Variants in RETREG1 observed in about 807,000 individuals in gnomAD.
RETREG1 encodes family with sequence similarity 134 member B.
Under a neutral mutation model 54.8 loss-of-function variants are expected in RETREG1, and 44 were observed. The ratio of observed to expected loss-of-function variants is 0.80; its 90% CI spans 0.63 to 1.03. The LOEUF is 1.03. RETREG1 is among the 50% of genes least tolerant of loss of function. The probability of loss-of-function intolerance (pLI) is 0.00; values close to 1 mark genes in which losing one functional copy is unlikely to be tolerated. For missense variants in RETREG1, 554 were observed against 605.1 expected, an observed-to-expected ratio of 0.92 and a Z score of 0.89; for synonymous variants, 217 against 238.5, an observed-to-expected ratio of 0.91 and a Z score of 0.83.
chr5:16,497,899 C>T (rs1739533534), intron 3 of RETREG1, among the ~76,000 whole-genome samples: 1 of 152,162 alleles, frequency 6.6e-6, no homozygotes, highest in African/African-American at 2.4e-5. Context: ...CAATTTTCCC[C>T]TCTCCTATGC....
chr5:16,594,496 G>A lies in RETREG1; in HGVS notation c.320+22156C>T, dbSNP rs942744458. Among the ~76,000 whole-genome samples the A allele has an allele frequency of 1.5e-3, 230 of 152,012 alleles. 1 individual carries two copies. The highest frequency in any genetic ancestry group is 5.3e-3 in the African/African-American group (221 of 41,442). On this transcript the variant is annotated intron_variant, in intron 1 of 8. Transcript: ENST00000306320. The surrounding 1 kb of genome is among the most constrained non-coding windows in gnomAD (Gnocchi z 4.4). ...TCCGTGCACTTTGAGAGGCTGAGGC[G>A]GGTGGATCACCTGAACTCAGGAGAT... is the stretch of plus-strand genomic sequence containing the variant.
intron 8 of RETREG1, among the ~76,000 whole-genome samples, chr5:16,476,264 G>C (rs1738533086): frequency 6.6e-6 from 1 of 152,104 alleles, no homozygotes. Context: ...ACACTGCACA[G>C]CCTCCCTCCC....
chr5:16,577,500 GA>G (rs1227507428), intron 1 of RETREG1, among the ~76,000 whole-genome samples: 1 of 152,040 alleles, frequency 6.6e-6, no homozygotes, highest in Non-Finnish European at 1.5e-5. Context: ...CAGTTATAAC[GA>G]GAAACTTCCC....
intron 3 of RETREG1, among the ~76,000 whole-genome samples, chr5:16,509,869 C>T (rs774274117): frequency 2.6e-5 from 4 of 152,036 alleles, no homozygotes; most frequent in African/African-American, 9.7e-5. Context: ...TGGGATGCTC[C>T]TGTGGTCCCA....
At chr5:16,601,978 C>T (rs1227830622) in intron 1 of RETREG1, among the ~76,000 whole-genome samples, 1 of 152,146 alleles carries the variant, frequency 6.6e-6, no homozygotes, top group African/African-American at 2.4e-5. Flanking sequence ...TTTCTAAGGG[C>T]AATTCTTCCC....
chr5:16,558,655 A>G (rs1741775460), intron 3 of RETREG1, among the ~76,000 whole-genome samples: 1 of 152,262 alleles, frequency 6.6e-6, no homozygotes, highest in African/African-American at 2.4e-5. Context: ...GTCCAGGTAC[A>G]AGATTATAAA....
chr5:16,569,207 G>A, intron 2 of RETREG1, among the ~76,000 whole-genome samples: 1 of 152,132 alleles, frequency 6.6e-6, no homozygotes, highest in East Asian at 1.9e-4. Context: ...TCTACTGAAG[G>A]AGGATGAAGC....
chr5:16,570,111 C>T (rs1046241713), intron 2 of RETREG1, among the ~76,000 whole-genome samples: 15 of 152,336 alleles, frequency 9.8e-5, no homozygotes, highest in African/African-American at 3.6e-4. Context: ...GGTTTGTGGT[C>T]ATTTATTACA....
At chr5:16,542,779 C>A (rs1428320373) in intron 3 of RETREG1, among the ~76,000 whole-genome samples, 1 of 152,198 alleles carries the variant, frequency 6.6e-6, no homozygotes, top group Non-Finnish European at 1.5e-5. Flanking sequence ...ACAGAACAGC[C>A]ACTACCTCTA....
In RETREG1 at chr5:16,475,069, T is replaced by G. The variant is rs757708271; in HGVS notation, c.1166A>C (p.Glu389Ala). 5.0e-6 allele frequency: 8 copies of G among 1,613,858 alleles called. No individual in the cohort carries two copies. The African/African-American group carries it at 1.1e-4, about 22-fold the overall frequency. ...GGTGAGACCAGCTGCTGATTGCGTC[T>G]CTTTGCTTGGTCTGTGACCACTGTC... The part of the protein sequence containing the change: ...QLDSGHRPSK[E>A]TQSAAGLTLP... Residue 389 changes from glutamate to alanine, a missense_variant, in exon 9 of 9, where the codon GAG becomes GCG. Transcript: ENST00000306320.
chr5:16,542,073 G>T (rs2126607539), intron 3 of RETREG1, among the ~76,000 whole-genome samples: 1 of 152,298 alleles, frequency 6.6e-6, no homozygotes, highest in East Asian at 1.9e-4. Context: ...TACATTTAAA[G>T]CAGGAAAGTT....
intron 3 of RETREG1, among the ~76,000 whole-genome samples, chr5:16,534,841 T>C (rs1272564668): frequency 2.6e-5 from 4 of 152,210 alleles, no homozygotes; most frequent in Non-Finnish European, 4.4e-5. Context: ...ATTTTTCTTC[T>C]TCTGTAAATA....
chr5:16,505,445 T>C lies in RETREG1; in HGVS notation c.459-21973A>G, dbSNP rs1021914132. On this transcript the variant is annotated intron_variant, in intron 3 of 8. Coordinates refer to ENST00000306320, the MANE Select transcript of RETREG1 (RefSeq NM_001034850.3). ...GGTCTGTCTCCACACCTGGGCTGTGTGCTCCGTGACAGCAGGGGCCTGACA... is the reference window on the plus strand; with the variant it reads ...GGTCTGTCTCCACACCTGGGCTGTGCGCTCCGTGACAGCAGGGGCCTGACA... 3.3e-5 allele frequency among the ~76,000 whole-genome samples: 5 copies of C among 152,158 alleles called. No homozygotes were observed. The highest frequency in any genetic ancestry group is 5.9e-5 in the Non-Finnish European group (4 of 68,034).
chr5:16,599,394 T>A (rs1742989279), intron 1 of RETREG1, among the ~76,000 whole-genome samples: 1 of 152,138 alleles, frequency 6.6e-6, no homozygotes, highest in Admixed American at 6.5e-5. Context: ...CACGCCAATT[T>A]TTAATTTAAA....
chr5:16,526,744 T>C (rs1478584193), intron 3 of RETREG1, among the ~76,000 whole-genome samples: 5 of 151,398 alleles, frequency 3.3e-5, no homozygotes, highest in African/African-American at 2.5e-5. Context: ...ATATTTCTAA[T>C]TCTATTTCTA....
At chr5:16,550,105 G>C (rs1319776688) in intron 3 of RETREG1, among the ~76,000 whole-genome samples, 1 of 152,080 alleles carries the variant, frequency 6.6e-6, no homozygotes, top group East Asian at 1.9e-4. Context: ...ACCTTCAACA[G>C]AACTAATAAA....
chr5:16,540,662 C>T lies in RETREG1; in HGVS notation c.458+25101G>A, dbSNP rs75388861. 8.5e-3 allele frequency among the ~76,000 whole-genome samples: 1,288 copies of T among 152,290 alleles called. 14 individuals carry two copies. The highest frequency in any genetic ancestry group is 0.028 in the African/African-American group (1,174 of 41,562). On this transcript the variant is annotated intron_variant, in intron 3 of 8. Coordinates refer to ENST00000306320, the MANE Select transcript of RETREG1 (RefSeq NM_001034850.3). The stretch of plus-strand genomic sequence containing the variant: ...ACACTGTGTCTATTCCATCCTAACA[C>T]GGGTGCTGGGCACTCCACATGCATT...
chr5:16,508,381 T>C (rs1457057527), intron 3 of RETREG1, among the ~76,000 whole-genome samples: 1 of 152,212 alleles, frequency 6.6e-6, no homozygotes, highest in African/African-American at 2.4e-5. Flanking sequence ...CATAAGTTTT[T>C]AAGAGGACAT....
chr5:16,611,771 A>G (rs1743348459), intron 1 of RETREG1, among the ~76,000 whole-genome samples: 1 of 152,242 alleles, frequency 6.6e-6, no homozygotes, highest in Non-Finnish European at 1.5e-5. Flanking sequence ...GAGATGAATC[A>G]CAAAACTACG....
Sources: allele counts gnomAD v4.1 joint callset (sites outside exome capture counted in the v4.1 genomes callset), GRCh38; gene constraint gnomAD v4.1.1; non-coding constraint Gnocchi (gnomAD v3.1); transcripts MANE v1.5; gene names NCBI Gene and HGNC (gene_info 2026-07-23, HGNC 2026-07-21).